ZFYVE28: variants seen among roughly 807,000 people sequenced by gnomAD.
The protein encoded by ZFYVE28 is zinc finger FYVE-type containing 28.
ZFYVE28 carries 40 observed loss-of-function variants against 82.1 expected under a neutral mutation model. The observed-to-expected ratio is 0.49, with a 90% CI of 0.38 to 0.63. The LOEUF is 0.63. Among genes scored for constraint, ZFYVE28 ranks in the 30% least tolerant of loss-of-function variants. The pLI is 0.00. For synonymous variants in ZFYVE28, 612 were observed against 546.1 expected, an observed-to-expected ratio of 1.12 and a Z score of -1.68; for missense variants, 1,321 against 1,242.1, an observed-to-expected ratio of 1.06 and a Z score of -0.96.
chr4:2,373,590 G>A (rs1216699482), intron 1 of ZFYVE28, among the ~76,000 whole-genome samples: 1 of 152,160 alleles, frequency 6.6e-6, no homozygotes, highest in East Asian at 1.9e-4. Flanking sequence ...CAACATCTTG[G>A]TCTTCTGCCT....
At chr4:2,310,606 C>T (rs1162965097) in intron 7 of ZFYVE28, among the ~76,000 whole-genome samples, 1 of 152,042 alleles carries the variant, frequency 6.6e-6, no homozygotes, top group East Asian at 1.9e-4. Context: ...GAGTTTGAGA[C>T]CAGCTGGGGC....
chr4:2,371,544 C>T (rs778205445), intron 1 of ZFYVE28, among the ~76,000 whole-genome samples: 48 of 152,260 alleles, frequency 3.2e-4, no homozygotes, highest in Non-Finnish European at 6.0e-4. Context: ...GTTCCAGAGG[C>T]TTGACATATG....
At chr4:2,306,136 C>A (rs146992010) in intron 7 of ZFYVE28, among the ~76,000 whole-genome samples, 10 of 152,350 alleles carry the variant, frequency 6.6e-5, no homozygotes, top group Non-Finnish European at 1.3e-4. Context: ...TGGCTGAGGC[C>A]GGGAAGGCTT....
At chr4:2,340,909 C>G (rs941598814) in intron 3 of ZFYVE28, among the ~76,000 whole-genome samples, 8 of 151,828 alleles carry the variant, frequency 5.3e-5, no homozygotes, top group African/African-American at 1.9e-4. Flanking sequence ...GAGAGGGTGG[C>G]GGTGTCGGGG....
rs762845 is a variant in ZFYVE28, at chr4:2,372,553, C to T, written c.40-18480G>A. On this transcript the variant is annotated intron_variant, in intron 1 of 12. Transcript: ENST00000290974. This position sits in a 1 kb window ranked among gnomAD's most constrained non-coding sequence, Gnocchi z 5.2. ...ACGGCACCATGCCCTATCACCCCAT[C>T]ATGTGGGAGGGGTACACAGAGGTGC... Among the ~76,000 whole-genome samples the T allele has an allele frequency of 6.6e-6, 1 of 151,754 alleles. No homozygotes were observed. Among genetic ancestry groups the T allele is most frequent in the East Asian group, 1.9e-4 (1 of 5,148 alleles).
chr4:2,278,848 T>C (rs1281009735), intron 8 of ZFYVE28, among the ~76,000 whole-genome samples: 1 of 151,570 alleles, frequency 6.6e-6, no homozygotes, highest in Non-Finnish European at 1.5e-5. Flanking sequence ...CATGAACAGA[T>C]GCCCAACATC....
intron 1 of ZFYVE28, among the ~76,000 whole-genome samples, chr4:2,388,003 A>G (rs3135096): frequency 0.68 from 103,935 of 152,134 alleles, 35,652 homozygotes; most frequent in East Asian, 0.79. Context: ...CCACCCTCGG[A>G]CACAGCCAAG....
intron 1 of ZFYVE28, among the ~76,000 whole-genome samples, chr4:2,391,455 C>CTTTTTTTTTTTT (rs140103966): frequency 8.5e-6 from 1 of 117,224 alleles, no homozygotes; most frequent in Non-Finnish European, 1.7e-5. Context: ...GGTCAATTAT[C>CTTTTTTTTTTTT]TTTTTTTTTT....
At chr4:2,380,244 T>C (rs927274510) in intron 1 of ZFYVE28, among the ~76,000 whole-genome samples, 14 of 152,212 alleles carry the variant, frequency 9.2e-5, no homozygotes, top group East Asian at 7.7e-4. Context: ...GTTGTCTCTT[T>C]GGGTAACTCA....
intron 8 of ZFYVE28, among the ~76,000 whole-genome samples, chr4:2,278,476 C>T (rs1203153461): frequency 6.6e-6 from 1 of 152,090 alleles, no homozygotes; most frequent in African/African-American, 2.4e-5. Context: ...GCGTGAGCCA[C>T]GGCGCCCAGG....
Position 2,316,965 on chromosome 4 carries a change from T to A in ZFYVE28, c.803+3205A>T, listed in dbSNP as rs184408385. Among the ~76,000 whole-genome samples, 333 of 150,404 alleles carry A rather than the reference T, an allele frequency of 2.2e-3. 2 individuals are homozygous for A. The highest frequency in any genetic ancestry group is 4.1e-3 in the Non-Finnish European group (279 of 67,800). On this transcript the variant is annotated intron_variant, in intron 7 of 12. Coordinates refer to ENST00000290974, the MANE Select transcript of ZFYVE28 (RefSeq NM_020972.3). Reference sequence around the variant, plus strand: ...CCTTGGCCTCCTAAAGTGCTGGGATTACAGTATTTTCTTGTTTCTTTAACT... The same window carrying A: ...CCTTGGCCTCCTAAAGTGCTGGGATAACAGTATTTTCTTGTTTCTTTAACT...
rs558107020 is a variant in ZFYVE28 at position 2,298,302 on chromosome 4, C to T, written c.2051+5987G>A. The stretch of plus-strand genomic sequence containing the variant: ...GAACGGCAGAGGATGAGTGGTGATG[C>T]GTGAGGAGTGCATCCTGCCATGTAG... On this transcript the variant is annotated intron_variant, in intron 8 of 12. Transcript: ENST00000290974. 6.2e-4 allele frequency among the ~76,000 whole-genome samples: 94 copies of T among 152,208 alleles called. 2 individuals are homozygous for T. Among genetic ancestry groups the T allele is most frequent in the Admixed American group, 3.3e-3 (51 of 15,290 alleles).
At chr4:2,360,233 C>A (rs1310010845) in intron 1 of ZFYVE28, among the ~76,000 whole-genome samples, 1 of 151,946 alleles carries the variant, frequency 6.6e-6, no homozygotes, top group Non-Finnish European at 1.5e-5. Context: ...ACACCCCGCC[C>A]CACACCATGC....
chr4:2,354,180 C>T, intron 1 of ZFYVE28, 107 bp from the exon 2 acceptor site: 1 of 1,226,500 alleles, frequency 8.2e-7, no homozygotes, highest in South Asian at 2.1e-5. Flanking sequence ...TGGGACCTTC[C>T]ACCCTGAGCA....
chr4:2,368,174 T>G (rs1727085736), intron 1 of ZFYVE28, among the ~76,000 whole-genome samples: 1 of 125,534 alleles, frequency 8.0e-6, no homozygotes, highest in African/African-American at 3.0e-5. Flanking sequence ...GGCCAGGAGT[T>G]CAAGGCCAGC....
At chr4:2,356,156 C>T (rs896561894) in intron 1 of ZFYVE28, among the ~76,000 whole-genome samples, 8 of 152,184 alleles carry the variant, frequency 5.3e-5, no homozygotes, top group Non-Finnish European at 1.0e-4. Context: ...GTGGGGAGAG[C>T]AAACCCCAGT....
chr4:2,405,116 C>A (rs1731721167), intron 1 of ZFYVE28, among the ~76,000 whole-genome samples: 1 of 152,324 alleles, frequency 6.6e-6, no homozygotes, highest in South Asian at 2.1e-4. Flanking sequence ...CCGAATTTGT[C>A]CCCAAAGGCA....
At chr4:2,288,360 T>A (rs1179494677) in intron 8 of ZFYVE28, among the ~76,000 whole-genome samples, 1 of 152,196 alleles carries the variant, frequency 6.6e-6, no homozygotes, top group East Asian at 1.9e-4. Context: ...CAAGTCCTGA[T>A]CTGTGCAGTG....
intron 1 of ZFYVE28, among the ~76,000 whole-genome samples, chr4:2,398,531 C>T (rs1276802636): frequency 6.6e-6 from 1 of 152,184 alleles, no homozygotes; most frequent in Non-Finnish European, 1.5e-5. Flanking sequence ...CTGCAGGAAG[C>T]TCTTGAGAAG....
Sources: gnomAD v4.1 joint callset for allele counts (sites outside exome capture counted in the v4.1 genomes callset) on GRCh38, gnomAD v4.1.1 for gene constraint, Gnocchi (gnomAD v3.1) non-coding constraint, MANE v1.5 for transcripts, NCBI Gene and HGNC (gene_info 2026-07-23, HGNC 2026-07-21) for gene names.